PPP2R2B: variants seen among roughly 807,000 people sequenced by gnomAD.
PPP2R2B encodes the protein serine/threonine-protein phosphatase 2A 55 kDa regulatory subunit B beta isoform.
In PPP2R2B, 5 loss-of-function variants were observed where a neutral mutation model predicts 46.0. The ratio of observed to expected loss-of-function variants is 0.11; its 90% CI spans 0.06 to 0.23. The LOEUF (loss-of-function observed/expected upper bound fraction) is 0.23. PPP2R2B is among the 10% of genes least tolerant of loss of function. The pLI is 1.00. For synonymous variants in PPP2R2B, 215 were observed against 206.7 expected (o/e 1.04, Z -0.34); for missense variants, 367 against 575.0 (o/e 0.64, Z 3.70).
chr5:146,721,616 C>T (rs1780801585), intron 2 of PPP2R2B, among the ~76,000 whole-genome samples: 2 of 152,226 alleles, frequency 1.3e-5, no homozygotes, highest in Non-Finnish European at 2.9e-5. Context: ...CATTGGATTC[C>T]ACCAGGCCCA....
chr5:146,773,802 GC>G (rs1439569643), intron 2 of PPP2R2B, among the ~76,000 whole-genome samples: 1 of 152,014 alleles, frequency 6.6e-6, no homozygotes, highest in African/African-American at 2.4e-5. Context: ...TACCGTAGAG[GC>G]CAATTTTAAT....
intron 1 of PPP2R2B, among the ~76,000 whole-genome samples, chr5:146,988,662 T>G (rs145538173): frequency 5.9e-5 from 9 of 151,682 alleles, no homozygotes; most frequent in South Asian, 2.1e-4. Flanking sequence ...CATCAAAATA[T>G]TAAAAAGATC....
intron 2 of PPP2R2B, among the ~76,000 whole-genome samples, chr5:146,792,980 A>T (rs140947482): frequency 6.6e-6 from 1 of 152,146 alleles, no homozygotes; most frequent in Non-Finnish European, 1.5e-5. Context: ...TACTGTGTGG[A>T]GAAGAGATTT....
chr5:146,840,892 A>C (rs1244795461), intron 2 of PPP2R2B, among the ~76,000 whole-genome samples: 1 of 152,206 alleles, frequency 6.6e-6, no homozygotes, highest in Non-Finnish European at 1.5e-5. Context: ...AATCTGATAG[A>C]GCTTACTCTG....
intron 1 of PPP2R2B, among the ~76,000 whole-genome samples, chr5:146,980,428 C>G (rs184453995): frequency 6.6e-6 from 1 of 152,258 alleles, no homozygotes; most frequent in East Asian, 1.9e-4. Context: ...CCCCTCCCTG[C>G]TAGTCTCATC....
At chr5:146,935,219 A>C (rs893096235) in intron 1 of PPP2R2B, among the ~76,000 whole-genome samples, 2 of 152,168 alleles carry the variant, frequency 1.3e-5, no homozygotes, top group African/African-American at 4.8e-5. Context: ...GAGCCCTCAC[A>C]AATGGAATTA....
chr5:146,999,891 T>C (rs1310376612), intron 1 of PPP2R2B, among the ~76,000 whole-genome samples: 1 of 152,160 alleles, frequency 6.6e-6, no homozygotes, highest in Non-Finnish European at 1.5e-5. Context: ...ACAGGGAAAG[T>C]CTTGAAACTT....
intron 1 of PPP2R2B, among the ~76,000 whole-genome samples, chr5:147,007,666 C>G (rs1400951962): frequency 6.6e-6 from 1 of 152,324 alleles, no homozygotes; most frequent in East Asian, 1.9e-4. Flanking sequence ...GTAACACTCA[C>G]TGCGAAGGTC....
chr5:147,038,074 A>T (rs372799154), intron 1 of PPP2R2B, among the ~76,000 whole-genome samples: 1 of 152,196 alleles, frequency 6.6e-6, no homozygotes, highest in African/African-American at 2.4e-5. Context: ...TTTAGAACCA[A>T]GGTTCTTTGA....
intron 2 of PPP2R2B, among the ~76,000 whole-genome samples, chr5:146,802,532 T>C (rs1351491407): frequency 7.9e-5 from 12 of 152,198 alleles, no homozygotes; most frequent in Admixed American, 7.9e-4. Context: ...TAATGAGTTA[T>C]GTGAAAATGA....
At chr5:146,599,049 CCA>C (rs991855543) in intron 8 of PPP2R2B, among the ~76,000 whole-genome samples, 16 of 152,082 alleles carry the variant, frequency 1.1e-4, no homozygotes, top group African/African-American at 3.4e-4. Flanking sequence ...TTATCTAACC[CCA>C]AATAGCTTAA....
At chr5:146,630,561 C>T (rs1403199470) in intron 7 of PPP2R2B, among the ~76,000 whole-genome samples, 1 of 152,158 alleles carries the variant, frequency 6.6e-6, no homozygotes, top group Non-Finnish European at 1.5e-5. Flanking sequence ...AGCTAGTTGC[C>T]TCATCTCTAA....
At position 146,914,374 on chromosome 5, in the gene PPP2R2B, T is replaced by C. The variant is rs567066336; in HGVS notation, c.79+141291A>G. On this transcript the variant is annotated intron_variant, in intron 1 of 8. Coordinates refer to the PPP2R2B transcript ENST00000336640. Reference sequence around the variant, plus strand: ...ATGGGGTCCTTTGGGAAGCAGTGGTTAGGGTGGTGGCAGTTTACACAATTG... The same window carrying C: ...ATGGGGTCCTTTGGGAAGCAGTGGTCAGGGTGGTGGCAGTTTACACAATTG... 12 of 152,288 alleles carry C rather than the reference T, an allele frequency of 7.9e-5. No individual in the cohort carries two copies. The South Asian group carries it at 2.5e-3, about 32-fold the overall frequency. The allele number at this position is 152,288 out of a possible 1,614,324, so 9.4% of individuals were successfully genotyped here. A position where few individuals can be genotyped will look rare whatever the true frequency, so the allele number is the denominator to read the frequency against.
intron 1 of PPP2R2B, among the ~76,000 whole-genome samples, chr5:146,937,787 G>C (rs1479663282): frequency 1.3e-5 from 2 of 152,156 alleles, no homozygotes; most frequent in African/African-American, 4.8e-5. Flanking sequence ...CAGATGATCT[G>C]AAATTTATGT....
chr5:146,835,101 T>G (rs1046577688), intron 2 of PPP2R2B, among the ~76,000 whole-genome samples: 17 of 152,160 alleles, frequency 1.1e-4, no homozygotes, highest in African/African-American at 3.6e-4. Flanking sequence ...GTGCATGGAT[T>G]GTGTGTTAAA....
intron 1 of PPP2R2B, among the ~76,000 whole-genome samples, chr5:147,009,205 T>A (rs1215903386): frequency 2.0e-5 from 3 of 152,180 alleles, no homozygotes; most frequent in Non-Finnish European, 4.4e-5. Context: ...TTCTGTTCTG[T>A]TTTCCTCTTT....
At chr5:146,654,292 G>A (rs954376635) in intron 5 of PPP2R2B, among the ~76,000 whole-genome samples, 4 of 152,154 alleles carry the variant, frequency 2.6e-5, no homozygotes, top group Non-Finnish European at 5.9e-5. Context: ...GGAGTATCCA[G>A]TCCAATGTCA....
chr5:146,743,826 G>A (rs1045880618), intron 2 of PPP2R2B, among the ~76,000 whole-genome samples: 6 of 152,064 alleles, frequency 3.9e-5, no homozygotes, highest in Non-Finnish European at 7.4e-5. Flanking sequence ...CAAAATTATT[G>A]AGCAAATATT....
At chr5:146,865,782 C>T (rs1392248351) in intron 2 of PPP2R2B, among the ~76,000 whole-genome samples, 2 of 152,148 alleles carry the variant, frequency 1.3e-5, no homozygotes, top group Non-Finnish European at 2.9e-5. Context: ...CCACCTTCCT[C>T]GCATACTTTT....
Sources: allele counts gnomAD v4.1 joint callset (sites outside exome capture counted in the v4.1 genomes callset), GRCh38; gene constraint gnomAD v4.1.1; transcripts MANE v1.5; gene names NCBI Gene and HGNC (gene_info 2026-07-23, HGNC 2026-07-21).